Variants in KIAA1217 observed in about 807,000 individuals in gnomAD.
KIAA1217 encodes sickle tail protein homolog.
KIAA1217 carries 88 observed loss-of-function variants against 163.9 expected under a neutral mutation model. That is an observed-to-expected ratio of 0.54 (90% confidence interval 0.45 to 0.64). The LOEUF (loss-of-function observed/expected upper bound fraction) is 0.64. KIAA1217 is among the 30% of genes least tolerant of loss of function. The pLI is 0.00. For missense variants in KIAA1217, 2,372 were observed against 2,475.0 expected (o/e 0.96, Z 0.88); for synonymous variants, 903 against 923.1 (o/e 0.98, Z 0.39).
rs575516715 is a variant in KIAA1217, at chr10:23,695,941, C to G, written c.-321+707C>G. 2.0e-5 allele frequency among the ~76,000 whole-genome samples: 3 copies of G among 152,326 alleles called. No individual in the cohort carries two copies. In the East Asian group the frequency reaches 5.8e-4, roughly 30 times the overall value. ...CAGCGCCCGGGAGCAGGGTGACCCC[C>G]ACAGCGGCCGGCCTTCCGGCTGGCT... On this transcript the variant is annotated intron_variant, in intron 1 of 18. Coordinates refer to the KIAA1217 transcript ENST00000376462. This position sits in a 1 kb window ranked among gnomAD's most constrained non-coding sequence, Gnocchi z 4.9.
chr10:24,539,312 TCC>T lies in KIAA1217; in HGVS notation c.3534+2423_3534+2424del, dbSNP rs200057438. 5.9e-3 allele frequency among the ~76,000 whole-genome samples: 899 copies of T among 151,684 alleles called. 5 individuals are homozygous for T. Among genetic ancestry groups the T allele is most frequent in the East Asian group, 0.018 (94 of 5,122 alleles). Reference sequence around the variant, plus strand: ...GGCGCCATCTCAGCTCACTGCAACCTCCCCCTCCCCGGTTCAAGTGATTCTCG... The same window carrying T: ...GGCGCCATCTCAGCTCACTGCAACCTCCCTCCCCGGTTCAAGTGATTCTCG... On this transcript the variant is annotated intron_variant, in intron 17 of 20. Coordinates refer to ENST00000376454, the MANE Select transcript of KIAA1217 (RefSeq NM_019590.5).
rs1164742312 is a variant in KIAA1217, at chr10:24,544,419, G to C, written c.5149G>C (p.Val1717Leu). The change falls in exon 19 of 21, where the codon GTT (valine) becomes CTT (leucine). Residue 1717 changes from valine (V) to leucine (L), a missense_variant. Val to Leu is a conservative substitution (Grantham distance 32). Coordinates refer to ENST00000376454, the MANE Select transcript of KIAA1217 (RefSeq NM_019590.5). ...AQEASPRPLL[V>L]PDEGPTALEP... ...AGAGGCCTCTCCCCGACCCTTGCTA[G>C]TTCCGGATGAAGGTCCCACTGCCCT... is the stretch of plus-strand genomic sequence containing the variant. 23 of 1,613,994 alleles carry C rather than the reference G, an allele frequency of 1.4e-5. No homozygotes were observed. The highest frequency in any genetic ancestry group is 1.9e-5 in the Non-Finnish European group (23 of 1,180,024).
chr10:23,750,747 G>A (rs759191427), intron 1 of KIAA1217, among the ~76,000 whole-genome samples: 34 of 152,206 alleles, frequency 2.2e-4, no homozygotes, highest in Non-Finnish European at 3.8e-4. Flanking sequence ...CTGTGACTGC[G>A]TAATGGTGGC....
At chr10:23,774,401 C>T (rs1412179354) in intron 1 of KIAA1217, among the ~76,000 whole-genome samples, 1 of 152,148 alleles carries the variant, frequency 6.6e-6, no homozygotes, top group Non-Finnish European at 1.5e-5. Flanking sequence ...TCCTGTACTT[C>T]AGAGGGTGTC....
chr10:24,314,947 A>G (rs941695200), intron 2 of KIAA1217, among the ~76,000 whole-genome samples: 7 of 152,068 alleles, frequency 4.6e-5, no homozygotes, highest in African/African-American at 1.7e-4. Flanking sequence ...GTCTCGAAAA[A>G]AAAATAATAA....
intron 1 of KIAA1217, among the ~76,000 whole-genome samples, chr10:23,955,072 T>G (rs1184963105): frequency 6.6e-6 from 1 of 152,198 alleles, no homozygotes; most frequent in Non-Finnish European, 1.5e-5. Flanking sequence ...CAGTTTTTTA[T>G]ATGCCTTATG....
intron 1 of KIAA1217, among the ~76,000 whole-genome samples, chr10:23,701,212 C>T (rs929168935): frequency 6.6e-5 from 10 of 152,318 alleles, no homozygotes; most frequent in Middle Eastern, 3.4e-3. Context: ...CAGAACTCTT[C>T]TAGAATCCCT....
At chr10:24,402,523 C>CAAAAAAAAAAAAAAAAAAA (rs1173653514) in intron 3 of KIAA1217, among the ~76,000 whole-genome samples, 1 of 71,016 alleles carries the variant, frequency 1.4e-5, no homozygotes, top group African/African-American at 4.7e-5. Flanking sequence ...AAACAAAAAA[C>CAAAAAAAAAAAAAAAAAAA]AAAACAAAAA....
chr10:23,852,965 T>A (rs903593421), intron 1 of KIAA1217, among the ~76,000 whole-genome samples: 15 of 152,032 alleles, frequency 9.9e-5, no homozygotes, highest in Admixed American at 7.9e-4. Flanking sequence ...GCAAACAGGG[T>A]CAATTTGACT....
chr10:23,965,510 C>CAGCTGTGATGTACACTCTACACTCT (rs1845027981), intron 1 of KIAA1217, among the ~76,000 whole-genome samples: 1 of 152,220 alleles, frequency 6.6e-6, no homozygotes, highest in Non-Finnish European at 1.5e-5. Flanking sequence ...CATCACTCTA[C>CAGCTGTGATGTACACTCTACACTCT]AGCTGTGTGT....
intron 1 of KIAA1217, among the ~76,000 whole-genome samples, chr10:23,814,868 G>A (rs1837244823): frequency 1.3e-5 from 2 of 152,064 alleles, no homozygotes; most frequent in South Asian, 4.1e-4. Context: ...AGCAGAGGAT[G>A]AAGTGTGAAA....
intron 2 of KIAA1217, among the ~76,000 whole-genome samples, chr10:24,372,980 C>T (rs2134553503): frequency 1.3e-5 from 2 of 152,338 alleles, no homozygotes; most frequent in Middle Eastern, 3.4e-3. Context: ...AATTCATCCT[C>T]ATCATATTAA....
intron 2 of KIAA1217, among the ~76,000 whole-genome samples, chr10:24,332,438 T>A (rs1018133871): frequency 6.6e-6 from 1 of 152,096 alleles, no homozygotes; most frequent in Non-Finnish European, 1.5e-5. Context: ...GGAAGAAAAT[T>A]TGGGATGGGT....
At chr10:23,897,524 C>T (rs1212863456) in intron 1 of KIAA1217, among the ~76,000 whole-genome samples, 1 of 152,070 alleles carries the variant, frequency 6.6e-6, no homozygotes, top group Non-Finnish European at 1.5e-5. Context: ...AGGGCTGAGA[C>T]TGGGAGCTAC....
intron 2 of KIAA1217, chr10:24,158,188 A>G (rs1564769181): frequency 1.3e-6 from 1 of 742,054 alleles, no homozygotes; most frequent in South Asian, 1.4e-5. Flanking sequence ...CATGATGCAG[A>G]GTCCTCTTAC....
At chr10:23,955,168 GAGGGGGT>G in intron 1 of KIAA1217, among the ~76,000 whole-genome samples, 1 of 152,206 alleles carries the variant, frequency 6.6e-6, no homozygotes, top group Non-Finnish European at 1.5e-5. Context: ...AAAGTTCACA[GAGGGGGT>G]AAGCGGCAGA....
At chr10:23,741,165 T>C (rs1839091220) in intron 1 of KIAA1217, among the ~76,000 whole-genome samples, 1 of 152,122 alleles carries the variant, frequency 6.6e-6, no homozygotes, top group African/African-American at 2.4e-5. Flanking sequence ...CTAATTAATG[T>C]AATTCTGGAT....
At chr10:24,429,778 G>T (rs2059444946) in intron 3 of KIAA1217, among the ~76,000 whole-genome samples, 1 of 152,124 alleles carries the variant, frequency 6.6e-6, no homozygotes, top group African/African-American at 2.4e-5. Flanking sequence ...GTAATTTTGG[G>T]AAGTTTTATA....
upstream of KIAA1217, among the ~76,000 whole-genome samples, chr10:24,204,173 T>C (rs58989221): frequency 7.6e-3 from 1,150 of 152,162 alleles, 14 homozygotes; most frequent in African/African-American, 0.026. Flanking sequence ...ATAGGGAGAT[T>C]TGAGTGTTGG....
Sources: allele counts gnomAD v4.1 joint callset (sites outside exome capture counted in the v4.1 genomes callset), GRCh38; gene constraint gnomAD v4.1.1; non-coding constraint Gnocchi (gnomAD v3.1); transcripts MANE v1.5; gene names NCBI Gene and HGNC (gene_info 2026-07-23, HGNC 2026-07-21).